The following IMMP2L variants were observed in gnomAD, a reference collection of about 807,000 sequenced individuals.
IMMP2L encodes the protein mitochondrial inner membrane protease subunit 2.
Under a neutral mutation model 19.3 loss-of-function variants are expected in IMMP2L, and 18 were observed. That is an observed-to-expected ratio of 0.93 (90% confidence interval 0.64 to 1.38). The LOEUF is 1.38. IMMP2L is among the 40% of genes most tolerant of loss of function. IMMP2L has a pLI of 0.00. For synonymous variants in IMMP2L, 76 were observed against 73.0 expected, an observed-to-expected ratio of 1.04 and a Z score of -0.21; for missense variants, 233 against 218.2, an observed-to-expected ratio of 1.07 and a Z score of -0.43.
At chr7:111,543,431 C>T (rs1848653565) in intron 1 of IMMP2L, among the ~76,000 whole-genome samples, 1 of 152,014 alleles carries the variant, frequency 6.6e-6, no homozygotes, top group Non-Finnish European at 1.5e-5. Context: ...TGCTTGAGAA[C>T]AAAAATATGT....
In IMMP2L at chr7:111,189,250, G is replaced by A. The variant is rs538891745; in HGVS notation, c.240-225685C>T. On this transcript the variant is annotated intron_variant, in intron 3 of 5. Transcript: ENST00000405709. ...AAATCAATTAGAGGAGACAAAAGAG[G>A]CAGAAAGATGTGTCTCAAAAGCAGA... Among the ~76,000 whole-genome samples the A allele has an allele frequency of 3.3e-5, 5 of 152,024 alleles. No individual in the cohort carries two copies. The South Asian group carries it at 8.3e-4, about 25-fold the overall frequency.
intron 5 of IMMP2L, among the ~76,000 whole-genome samples, chr7:110,838,376 G>T (rs1042243043): frequency 6.6e-6 from 1 of 152,118 alleles, no homozygotes; most frequent in South Asian, 2.1e-4. Flanking sequence ...CTTCTTTGGG[G>T]TCTACAGTTT....
chr7:111,403,493 C>A (rs1833651973), intron 3 of IMMP2L, among the ~76,000 whole-genome samples: 1 of 151,302 alleles, frequency 6.6e-6, no homozygotes, highest in Non-Finnish European at 1.5e-5. Flanking sequence ...ACTTTGTCAC[C>A]CAGGTTGGTG....
intron 5 of IMMP2L, among the ~76,000 whole-genome samples, chr7:110,778,923 A>G (rs2131067689): frequency 6.6e-6 from 1 of 152,138 alleles, no homozygotes; most frequent in East Asian, 1.9e-4. Flanking sequence ...TCATCGGGTT[A>G]AAATGATTGA....
chr7:111,393,904 C>A (rs1758763387), intron 3 of IMMP2L, among the ~76,000 whole-genome samples: 1 of 152,028 alleles, frequency 6.6e-6, no homozygotes, highest in African/African-American at 2.4e-5. Flanking sequence ...CCAAAGATAG[C>A]CAAGAGATCA....
At chr7:111,396,293 T>C (rs535325629) in intron 3 of IMMP2L, among the ~76,000 whole-genome samples, 65 of 151,880 alleles carry the variant, frequency 4.3e-4, no homozygotes, top group Non-Finnish European at 7.4e-4. Flanking sequence ...ATAAAGAAAA[T>C]GTGGCACATA....
intron 4 of IMMP2L, among the ~76,000 whole-genome samples, chr7:110,945,922 G>A (rs1361448658): frequency 1.3e-5 from 2 of 152,146 alleles, no homozygotes; most frequent in African/African-American, 4.8e-5. Flanking sequence ...CACGGAGACA[G>A]TGGCAGCTCA....
At chr7:110,862,511 T>G (rs1807552089) in intron 5 of IMMP2L, among the ~76,000 whole-genome samples, 1 of 151,564 alleles carries the variant, frequency 6.6e-6, no homozygotes. Context: ...GCTAATTTTT[T>G]TTTTTTTAAT....
chr7:111,473,500 C>T (rs1450286456), intron 3 of IMMP2L, among the ~76,000 whole-genome samples: 1 of 152,164 alleles, frequency 6.6e-6, no homozygotes, highest in Non-Finnish European at 1.5e-5. Flanking sequence ...ATAGCAGATG[C>T]TAAGTGTCCC....
chr7:110,760,117 A>T lies in IMMP2L; in HGVS notation c.409-96396T>A, dbSNP rs1362352376. Among the ~76,000 whole-genome samples the T allele has an allele frequency of 6.6e-6, 1 of 152,034 alleles. No individual in the cohort carries two copies. The highest frequency in any genetic ancestry group is 1.5e-5 in the Non-Finnish European group (1 of 67,998). On this transcript the variant is annotated intron_variant, in intron 5 of 5. Coordinates refer to ENST00000405709, the MANE Select transcript of IMMP2L (RefSeq NM_032549.4). This position sits in a 1 kb window ranked among gnomAD's most constrained non-coding sequence, Gnocchi z 4.2. ...AAAAGAAAACCGTTTTATTTTTCTA[A>T]TTATTATCTACTTATCAGCCTTGGG...
intron 3 of IMMP2L, among the ~76,000 whole-genome samples, chr7:111,112,867 TGTG>T (rs1799405348): frequency 6.6e-6 from 1 of 152,116 alleles, no homozygotes; most frequent in East Asian, 1.9e-4. Flanking sequence ...CACCCGAAAA[TGTG>T]GTGCTATAAT....
chr7:110,958,041 A>G (rs868703238), intron 4 of IMMP2L, among the ~76,000 whole-genome samples: 1 of 151,892 alleles, frequency 6.6e-6, no homozygotes, highest in African/African-American at 2.4e-5. Flanking sequence ...TTTTTAAATG[A>G]ATGGCACTAA....
At chr7:110,765,063 C>T (rs1050953809) in intron 5 of IMMP2L, among the ~76,000 whole-genome samples, 7 of 151,934 alleles carry the variant, frequency 4.6e-5, no homozygotes, top group Non-Finnish European at 7.4e-5. Context: ...GACATTTTGC[C>T]GCTATATTCT....
chr7:111,329,541 C>A (rs1220840641), intron 3 of IMMP2L, among the ~76,000 whole-genome samples: 1 of 151,680 alleles, frequency 6.6e-6, no homozygotes, highest in East Asian at 1.9e-4. Context: ...CAGCCCTTGG[C>A]CCTATATATA....
chr7:111,364,967 C>CAA lies in IMMP2L; in HGVS notation c.239+122269_239+122270dup, dbSNP rs372903536. Among the ~76,000 whole-genome samples, 152 of 113,512 alleles carry CAA rather than the reference C, an allele frequency of 1.3e-3. 2 individuals carry two copies. In the Middle Eastern group the frequency reaches 0.02, roughly 15 times the overall value. 74.5% of individuals were successfully genotyped at this position (113,512 alleles called of 152,430 possible). A position where few individuals can be genotyped will look rare whatever the true frequency, so the allele number is the denominator to read the frequency against. On this transcript the variant is annotated intron_variant, in intron 3 of 5. Transcript: ENST00000405709. ...CCTGGGCGACAGAGTGAGACTCTGTCAAAAAAAAAAAAAATCTATAAACAT... is the reference window on the plus strand; with the variant it reads ...CCTGGGCGACAGAGTGAGACTCTGTCAAAAAAAAAAAAAAAATCTATAAACAT...
chr7:111,062,606 CT>C (rs910530958), intron 3 of IMMP2L, among the ~76,000 whole-genome samples: 1 of 152,220 alleles, frequency 6.6e-6, no homozygotes, highest in Non-Finnish European at 1.5e-5. Flanking sequence ...CAAGTCCCTT[CT>C]GCCTATGAGC....
rs1819778581 is a variant in IMMP2L, at chr7:111,281,202, GAAAGAAAGAAAGAAAAAGAA to G, written c.239+206016_239+206035del. Among the ~76,000 whole-genome samples the G allele has an allele frequency of 9.4e-5, 4 of 42,374 alleles. No individual in the cohort carries two copies. The East Asian group carries it at 2.7e-3, about 28-fold the overall frequency. 27.8% of individuals were successfully genotyped at this position (42,374 alleles called of 152,430 possible). A position where few individuals can be genotyped will look rare whatever the true frequency, so the allele number is the denominator to read the frequency against. On this transcript the variant is annotated intron_variant, in intron 3 of 5. Transcript: ENST00000405709. ...AGAAAGAAAGAAAGAAAGAAAGAAA[GAAAGAAAGAAAGAAAAAGAA>G]AGAAAGAAAGAAAGAAAGAAAGAAG...
intron 4 of IMMP2L, among the ~76,000 whole-genome samples, chr7:110,923,789 C>T (rs1218041410): frequency 1.3e-5 from 2 of 152,090 alleles, no homozygotes; most frequent in Non-Finnish European, 2.9e-5. Context: ...AGTATCACTC[C>T]TATAAATATG....
intron 5 of IMMP2L, among the ~76,000 whole-genome samples, chr7:110,693,370 A>G (rs1214296969): frequency 6.6e-6 from 1 of 152,210 alleles, no homozygotes; most frequent in Non-Finnish European, 1.5e-5. Context: ...AAATGTCACA[A>G]TGGAAAAGCC....
Sources: gnomAD v4.1 joint callset for allele counts (sites outside exome capture counted in the v4.1 genomes callset) on GRCh38, gnomAD v4.1.1 for gene constraint, Gnocchi (gnomAD v3.1) non-coding constraint, MANE v1.5 for transcripts, NCBI Gene and HGNC (gene_info 2026-07-23, HGNC 2026-07-21) for gene names.